The following MARCHF9 variants were observed in gnomAD, a reference collection of about 807,000 sequenced individuals.
The protein encoded by MARCHF9 is membrane associated ring-CH-type finger 9.
In MARCHF9, 17 loss-of-function variants were observed where a neutral mutation model predicts 35.2. The ratio of observed to expected loss-of-function variants is 0.48; its 90% confidence interval spans 0.33 to 0.72. The LOEUF (loss-of-function observed/expected upper bound fraction) is 0.72. MARCHF9 is among the 30% of genes least tolerant of loss of function. The probability of loss-of-function intolerance (pLI) is 0.02; values close to 1 mark genes in which losing one functional copy is unlikely to be tolerated. For missense variants in MARCHF9, 386 were observed against 478.2 expected, an observed-to-expected ratio of 0.81 and a Z score of 1.80; for synonymous variants, 183 against 207.4, an observed-to-expected ratio of 0.88 and a Z score of 1.01.
chr12:57,755,747 G>A lies in MARCHF9; in HGVS notation c.219G>A (p.Glu73=). The A allele has an allele frequency of 8.2e-7, 1 of 1,219,066 alleles. No individual in the cohort carries two copies. The highest frequency in any genetic ancestry group is 1.0e-6 in the Non-Finnish European group (1 of 983,336). The allele number at this position is 1,219,066 out of a possible 1,614,324, so 75.5% of individuals were successfully genotyped here. A position where few individuals can be genotyped will look rare whatever the true frequency, so the allele number is the denominator to read the frequency against. Residue 73 remains glutamate (E), a synonymous_variant, in exon 1 of 4, where the codon GAG becomes GAA. Transcript: ENST00000266643. ...PRARGLAGDK[E]PRAGPLPPPA... The stretch of plus-strand genomic sequence containing the variant: ...CCCGGGGCCTGGCCGGCGACAAGGA[G>A]CCGCGGGCCGGACCCCTGCCGCCGC...
chr12:57,757,780 C>A, intron 2 of MARCHF9: 2 of 594,874 alleles, frequency 3.4e-6, no homozygotes, highest in South Asian at 2.0e-5. Context: ...CTATTATTAT[C>A]CCCTTTTACA....
Position 57,760,154 on chromosome 12 carries a change from G to T in MARCHF9, c.*1257G>T, listed in dbSNP as rs1207941629. 6.6e-6 allele frequency: 1 copy of T among 152,184 alleles called. No homozygotes were observed. The highest frequency in any genetic ancestry group is 2.4e-5 in the African/African-American group (1 of 41,434). 9.4% of individuals were successfully genotyped at this position (152,184 alleles called of 1,614,324 possible). ...AACCCCAGTTTAAGCTATTTCCATG[G>T]CAGTTTAGGGTCACAGGTTTGATCC... On this transcript the variant is annotated 3_prime_UTR_variant, in exon 4 of 4. Transcript: ENST00000266643.
At position 57,756,908 on chromosome 12, in the gene MARCHF9, C is replaced by T. The variant is rs747952753; in HGVS notation, c.358-21C>T. ...TCGGGGTGGTGATGGCTGACAGGGC[C>T]CCTCCTCACTCTTCCTCCAGGGGGA... is the stretch of plus-strand genomic sequence containing the variant. On this transcript the variant is annotated intron_variant, in intron 1 of 3. Coordinates refer to ENST00000266643, the MANE Select transcript of MARCHF9 (RefSeq NM_138396.6). 9.4e-6 allele frequency: 14 copies of T among 1,491,052 alleles called. No homozygotes were observed. The East Asian group carries it at 3.6e-4, about 38-fold the overall frequency. 92.4% of individuals were successfully genotyped at this position (1,491,052 alleles called of 1,614,324 possible).
chr12:57,758,721 A>C lies in MARCHF9; in HGVS notation c.865A>C (p.Thr289Pro). Residue 289 changes from threonine (T) to proline (P), a missense_variant, in exon 4 of 4, where the codon ACG becomes CCG. Thr to Pro is a conservative substitution (Grantham distance 38). Transcript: ENST00000266643. This position sits in a 1 kb window ranked among gnomAD's most constrained non-coding sequence, Gnocchi z 5.4. The part of the protein sequence containing the change: ...AGKSGPRNSR[T>P]GPTSGATSRP... ...GAAGTCAGGCCCCAGGAACTCACGG[A>C]CGGGCCCCACCTCTGGGGCCACGAG... 6.2e-7 allele frequency: 1 copy of C among 1,610,038 alleles called. No homozygotes were observed. The highest frequency in any genetic ancestry group is 8.5e-7 in the Non-Finnish European group (1 of 1,178,364).
At position 57,758,656 on chromosome 12, in the gene MARCHF9, C is replaced by A; in HGVS notation, c.800C>A (p.Thr267Asn). 2 of 1,614,000 alleles carry A rather than the reference C, an allele frequency of 1.2e-6. No homozygotes were observed. Among genetic ancestry groups the A allele is most frequent in the Non-Finnish European group, 1.7e-6 (2 of 1,179,966 alleles). Residue 267 changes from threonine to asparagine, a missense_variant, in exon 4 of 4, where the codon ACC becomes AAC. Coordinates refer to ENST00000266643, the MANE Select transcript of MARCHF9 (RefSeq NM_138396.6). The surrounding 1 kb of genome is among the most constrained non-coding windows in gnomAD (Gnocchi z 5.4). Reference protein sequence around the residue: ...QQWKVLNYDKTKDIGGDAGGG... With the variant: ...QQWKVLNYDKNKDIGGDAGGG... ...TGGAAGGTCCTAAATTATGACAAGA[C>A]CAAGGACATAGGAGGAGATGCAGGG...
rs779553729 is a variant in MARCHF9, at chr12:57,755,616, C to T, written c.88C>T (p.Pro30Ser). 1.3e-4 allele frequency: 180 copies of T among 1,344,132 alleles called. 2 individuals carry two copies. In the East Asian group the frequency reaches 4.6e-3, roughly 34 times the overall value. 83.3% of individuals were successfully genotyped at this position (1,344,132 alleles called of 1,614,324 possible). ...GGGRPRAEPQ[P>S]RGGRGGGCGW... Reference sequence around the variant, plus strand: ...GGGGCGGCCCCGGGCCGAGCCGCAACCCCGGGGGGGCCGGGGAGGCGGCTG... The same window carrying T: ...GGGGCGGCCCCGGGCCGAGCCGCAATCCCGGGGGGGCCGGGGAGGCGGCTG... Residue 30 changes from proline (P) to serine (S), a missense_variant, in exon 1 of 4, where the codon CCC becomes TCC. Around this residue, in one of 3 missense-constraint regions of MARCHF9, gnomAD observed 56 missense variants for 49.6 expected, o/e 1.13. Coordinates refer to ENST00000266643, the MANE Select transcript of MARCHF9 (RefSeq NM_138396.6).
chr12:57,757,286 T>C, intron 2 of MARCHF9: 1 of 458,244 alleles, frequency 2.2e-6, no homozygotes. Flanking sequence ...CCACTTATAT[T>C]CCAGGCACTG....
At position 57,758,965 on chromosome 12, in the gene MARCHF9, A is replaced by G. The variant is rs1037229134; in HGVS notation, c.*68A>G. ...AGAGAAGAACTCTCATGGCTGCTGG[A>G]GGTACCAGCTGGACAAGGTGTTTGG... On this transcript the variant is annotated 3_prime_UTR_variant, in exon 4 of 4. Coordinates refer to ENST00000266643, the MANE Select transcript of MARCHF9 (RefSeq NM_138396.6). This position sits in a 1 kb window ranked among gnomAD's most constrained non-coding sequence, Gnocchi z 5.4. The G allele has an allele frequency of 2.1e-5, 29 of 1,410,012 alleles. No homozygotes were observed. In the African/African-American group the frequency reaches 4.2e-4, roughly 20 times the overall value. The allele number at this position is 1,410,012 out of a possible 1,614,324, so 87.3% of individuals were successfully genotyped here.
chr12:57,759,643 A>G lies in MARCHF9; in HGVS notation c.*746A>G, dbSNP rs1955308326. The G allele has an allele frequency of 1.3e-5, 2 of 152,220 alleles. No homozygotes were observed. The highest frequency in any genetic ancestry group is 4.8e-5 in the African/African-American group (2 of 41,464). The allele number at this position is 152,220 out of a possible 1,614,324, so 9.4% of individuals were successfully genotyped here. ...TATGAGTTGTGTGATATAGAAAAAA[A>G]TCTCTTAGCTCTGGTTTTCCTGTCT... On this transcript the variant is annotated 3_prime_UTR_variant, in exon 4 of 4. Coordinates refer to ENST00000266643, the MANE Select transcript of MARCHF9 (RefSeq NM_138396.6).
intron 2 of MARCHF9, 114 bp downstream of exon 2, chr12:57,757,198 G>A: frequency 9.6e-7 from 1 of 1,037,090 alleles, no homozygotes; most frequent in African/African-American, 2.9e-5. Flanking sequence ...ACCCTTCCCC[G>A]CCAGTTACCA....
rs773774495 is a variant in MARCHF9, at chr12:57,758,038, C to T, written c.514-70C>T. 1 of 1,568,786 alleles carries T rather than the reference C, an allele frequency of 6.4e-7. No individual in the cohort carries two copies. Among genetic ancestry groups the T allele is most frequent in the South Asian group, 1.1e-5 (1 of 90,136 alleles). On this transcript the variant is annotated intron_variant, in intron 2 of 3. Coordinates refer to ENST00000266643, the MANE Select transcript of MARCHF9 (RefSeq NM_138396.6). The surrounding 1 kb of genome is among the most constrained non-coding windows in gnomAD (Gnocchi z 5.4). ...GGGAAGGTTCCTGGAGCACCCTGCT[C>T]TTCAGGGCCACCCATCACCTGGCCC...
chr12:57,758,844 C>A lies in MARCHF9; in HGVS notation c.988C>A (p.Arg330Ser), dbSNP rs755462997. The A allele has an allele frequency of 2.5e-6, 4 of 1,609,572 alleles. No homozygotes were observed. The South Asian group carries it at 4.4e-5, about 18-fold the overall frequency. Reference protein sequence around the residue: ...LLGQLRPPDARSSSHSGREVV... With the variant: ...LLGQLRPPDASSSSHSGREVV... ...TGGGCAGCTGCGGCCACCAGATGCCCGTTCCAGCTCCCATTCTGGCCGAGA... is the reference window on the plus strand; with the variant it reads ...TGGGCAGCTGCGGCCACCAGATGCCAGTTCCAGCTCCCATTCTGGCCGAGA... Residue 330 changes from arginine to serine, a missense_variant, in exon 4 of 4, where the codon CGT (arginine) becomes AGT (serine). Physicochemically the swap from Arg to Ser is moderately radical, Grantham distance 110. Coordinates refer to ENST00000266643, the MANE Select transcript of MARCHF9 (RefSeq NM_138396.6). This position sits in a 1 kb window ranked among gnomAD's most constrained non-coding sequence, Gnocchi z 5.4.
chr12:57,755,511 G>T lies in MARCHF9; in HGVS notation c.-18G>T. On this transcript the variant is annotated 5_prime_UTR_variant, in exon 1 of 4. Transcript: ENST00000266643. ...GAGCCCCCCTTGCACGCTGCCCCCC[G>T]CCCCCGGTGTCCGGACGATGCTCAA... is the stretch of plus-strand genomic sequence containing the variant. The T allele has an allele frequency of 7.3e-6, 2 of 275,414 alleles. No homozygotes were observed. Among genetic ancestry groups the T allele is most frequent in the Non-Finnish European group, 8.8e-6 (2 of 228,406 alleles). 17.1% of individuals were successfully genotyped at this position (275,414 alleles called of 1,614,324 possible).
rs889762750 is a variant in MARCHF9 at position 57,759,716 on chromosome 12, G to A, written c.*819G>A. 4.6e-5 allele frequency: 7 copies of A among 152,352 alleles called. No homozygotes were observed. The highest frequency in any genetic ancestry group is 3.9e-4 in the East Asian group (2 of 5,186). The allele number at this position is 152,352 out of a possible 1,614,324, so 9.4% of individuals were successfully genotyped here. ...ATAAATGAGGGACAGGTTGGATGCC[G>A]TTGCAGAGAAAATCAGCAATGACAT... On this transcript the variant is annotated 3_prime_UTR_variant, in exon 4 of 4. Coordinates refer to ENST00000266643, the MANE Select transcript of MARCHF9 (RefSeq NM_138396.6).
chr12:57,755,725 G>A lies in MARCHF9; in HGVS notation c.197G>A (p.Arg66Gln). The A allele has an allele frequency of 8.2e-7, 1 of 1,219,810 alleles. No individual in the cohort carries two copies. Among genetic ancestry groups the A allele is most frequent in the Non-Finnish European group, 1.0e-6 (1 of 982,630 alleles). 75.6% of individuals were successfully genotyped at this position (1,219,810 alleles called of 1,614,324 possible). ...TACTACGGGTCGGAGCCGCGGGCCC[G>A]GGGCCTGGCCGGCGACAAGGAGCCG... ...EEYYGSEPRA[R>Q]GLAGDKEPRA... Residue 66 changes from arginine (R) to glutamine (Q), a missense_variant, in exon 1 of 4, where the codon CGG (arginine) becomes CAG (glutamine). Physicochemically the swap from Arg to Gln is conservative, Grantham distance 43. Transcript: ENST00000266643.
In MARCHF9 at chr12:57,755,510, CG is replaced by C; in HGVS notation, c.-18del. On this transcript the variant is annotated 5_prime_UTR_variant, in exon 1 of 4. Coordinates refer to ENST00000266643, the MANE Select transcript of MARCHF9 (RefSeq NM_138396.6). ...CGAGCCCCCCTTGCACGCTGCCCCC[CG>C]CCCCCGGTGTCCGGACGATGCTCAA... The C allele has an allele frequency of 7.8e-7, 1 of 1,286,608 alleles. No homozygotes were observed. Among genetic ancestry groups the C allele is most frequent in the Non-Finnish European group, 1.0e-6 (1 of 1,002,786 alleles). 79.7% of individuals were successfully genotyped at this position (1,286,608 alleles called of 1,614,324 possible).
Position 57,759,097 on chromosome 12 carries a change from C to G in MARCHF9, c.*200C>G. On this transcript the variant is annotated 3_prime_UTR_variant, in exon 4 of 4. Coordinates refer to ENST00000266643, the MANE Select transcript of MARCHF9 (RefSeq NM_138396.6). ...GAGACACCTGGATGACATTTCAGTA[C>G]CCGCTGGCAGCTCCTCCCACTCATC... is the stretch of plus-strand genomic sequence containing the variant. 1 of 549,298 alleles carries G rather than the reference C, an allele frequency of 1.8e-6. No homozygotes were observed. Among genetic ancestry groups the G allele is most frequent in the South Asian group, 3.1e-5 (1 of 32,564 alleles). 34.0% of individuals were successfully genotyped at this position (549,298 alleles called of 1,614,324 possible).
chr12:57,755,792 C>A lies in MARCHF9; in HGVS notation c.264C>A (p.Pro88=). ...PLPPPAPPLP[P]PGALDALSLS... is the part of the protein sequence containing the mutation. The stretch of plus-strand genomic sequence containing the variant: ...CGCCGCCCGCGCCGCCGCTGCCGCC[C>A]CCGGGCGCGCTGGACGCCCTGTCGC... Residue 88 remains proline, a synonymous_variant, in exon 1 of 4, where the codon CCC becomes CCA. Transcript: ENST00000266643. 1 of 1,311,934 alleles carries A rather than the reference C, an allele frequency of 7.6e-7. No homozygotes were observed. Among genetic ancestry groups the A allele is most frequent in the South Asian group, 2.1e-5 (1 of 47,830 alleles). 81.3% of individuals were successfully genotyped at this position (1,311,934 alleles called of 1,614,324 possible).
chr12:57,758,051 C>A lies in MARCHF9; in HGVS notation c.514-57C>A. ...GAGCACCCTGCTCTTCAGGGCCACC[C>A]ATCACCTGGCCCTCCATCCCTTTCT... On this transcript the variant is annotated intron_variant, in intron 2 of 3. Coordinates refer to ENST00000266643, the MANE Select transcript of MARCHF9 (RefSeq NM_138396.6). This position sits in a 1 kb window ranked among gnomAD's most constrained non-coding sequence, Gnocchi z 5.4. The A allele has an allele frequency of 6.3e-7, 1 of 1,584,930 alleles. No homozygotes were observed. The highest frequency in any genetic ancestry group is 2.2e-5 in the East Asian group (1 of 44,776).
Sources: allele counts gnomAD v4.1 joint callset, GRCh38; gene constraint gnomAD v4.1.1; regional missense constraint gnomAD v4.1.1; non-coding constraint Gnocchi (gnomAD v3.1); transcripts MANE v1.5; gene names NCBI Gene and HGNC (gene_info 2026-07-23, HGNC 2026-07-21).